Variants in PRKD1 observed in about 807,000 individuals in gnomAD.
The protein encoded by PRKD1 is protein kinase D1.
Under a neutral mutation model 95.9 loss-of-function variants are expected in PRKD1, and 63 were observed. The observed-to-expected ratio is 0.66, with a 90% CI of 0.54 to 0.81. PRKD1 has a LOEUF of 0.81. Among genes scored for constraint, PRKD1 ranks in the 30% least tolerant of loss-of-function variants. PRKD1 has a pLI of 0.00. For missense variants in PRKD1, 1,048 were observed against 1,165.3 expected (o/e 0.90, Z 1.47); for synonymous variants, 425 against 423.1 (o/e 1.00, Z -0.05).
intron 4 of PRKD1, among the ~76,000 whole-genome samples, chr14:29,649,333 GT>G (rs1349590100): frequency 2.0e-5 from 3 of 152,040 alleles, no homozygotes; most frequent in Non-Finnish European, 2.9e-5. Context: ...CCCTCCAGTG[GT>G]TCTTGCAAAA....
intron 13 of PRKD1, among the ~76,000 whole-genome samples, chr14:29,606,606 C>G (rs1276116851): frequency 6.6e-6 from 1 of 152,092 alleles, no homozygotes; most frequent in Non-Finnish European, 1.5e-5. Context: ...CAAAAGCCAC[C>G]AGGAAACAGT....
chr14:29,726,471 C>T (rs185001896), intron 1 of PRKD1, among the ~76,000 whole-genome samples: 3 of 152,198 alleles, frequency 2.0e-5, no homozygotes, highest in African/African-American at 7.2e-5. Context: ...GGAAAAGATG[C>T]AAACTCAGGG....
At chr14:29,660,307 T>C (rs1315054620) in intron 4 of PRKD1, among the ~76,000 whole-genome samples, 6 of 152,258 alleles carry the variant, frequency 3.9e-5, no homozygotes, top group Non-Finnish European at 7.3e-5. Flanking sequence ...TACTTAACTT[T>C]GTATAATACT....
chr14:29,599,801 C>G lies in PRKD1; in HGVS notation c.1922G>C (p.Gly641Ala). ...AAACATACACTCCAAATTTACAACA[C>G]CAGGGTGATGAAGGTTCTATTAAAG... The part of the protein sequence containing the change: ...VAILQNLHHP[G>A]VVNLECMFET... Residue 641 changes from glycine to alanine, a missense_variant, in exon 14 of 18, where the codon GGT becomes GCT. Coordinates refer to ENST00000331968, the MANE Select transcript of PRKD1 (RefSeq NM_002742.3). 6.2e-7 allele frequency: 1 copy of G among 1,610,066 alleles called. No individual in the cohort carries two copies. Among genetic ancestry groups the G allele is most frequent in the Non-Finnish European group, 8.5e-7 (1 of 1,178,868 alleles).
chr14:29,794,928 C>A (rs1889745677), intron 1 of PRKD1, among the ~76,000 whole-genome samples: 1 of 152,080 alleles, frequency 6.6e-6, no homozygotes, highest in Admixed American at 6.6e-5. Context: ...CACTAAAAAT[C>A]AGATTTATGC....
chr14:29,649,456 T>C (rs1881351544), intron 4 of PRKD1, among the ~76,000 whole-genome samples: 1 of 152,044 alleles, frequency 6.6e-6, no homozygotes, highest in South Asian at 2.1e-4. Flanking sequence ...ATTTTGTGTT[T>C]ACTGGTGAAG....
intron 2 of PRKD1, among the ~76,000 whole-genome samples, chr14:29,684,638 T>A (rs1883747310): frequency 6.6e-6 from 1 of 152,174 alleles, no homozygotes; most frequent in Non-Finnish European, 1.5e-5. Context: ...GGCAGAAATG[T>A]CCCCAGCTAT....
chr14:29,879,362 G>A (rs905001662), intron 1 of PRKD1, among the ~76,000 whole-genome samples: 2 of 152,194 alleles, frequency 1.3e-5, no homozygotes, highest in South Asian at 2.1e-4. Flanking sequence ...TACGTCTCAC[G>A]AAATCTGGTG....
intron 1 of PRKD1, among the ~76,000 whole-genome samples, chr14:29,757,457 A>G (rs1235044333): frequency 6.6e-6 from 1 of 152,066 alleles, no homozygotes; most frequent in Non-Finnish European, 1.5e-5. Flanking sequence ...GAGCAAAGAG[A>G]GAAGAGGCAT....
At chr14:29,779,347 G>C (rs562933353) in intron 1 of PRKD1, among the ~76,000 whole-genome samples, 1 of 152,280 alleles carries the variant, frequency 6.6e-6, no homozygotes, top group South Asian at 2.1e-4. Flanking sequence ...AAGTCAAATT[G>C]TCCCTGTTTT....
intron 1 of PRKD1, among the ~76,000 whole-genome samples, chr14:29,786,737 C>T (rs997956307): frequency 6.6e-5 from 10 of 151,910 alleles, no homozygotes; most frequent in African/African-American, 1.2e-4. Context: ...CTTGTTCTCA[C>T]GGTTAGCGTA....
chr14:29,646,853 C>G (rs1365664370), intron 4 of PRKD1, among the ~76,000 whole-genome samples: 1 of 151,452 alleles, frequency 6.6e-6, no homozygotes, highest in Admixed American at 6.6e-5. Context: ...TCTTTGACAA[C>G]AGAAAAATAT....
chr14:29,719,073 C>T (rs10129501), intron 2 of PRKD1, among the ~76,000 whole-genome samples: 57,953 of 151,630 alleles, frequency 0.38, 13,264 homozygotes, highest in African/African-American at 0.65. Context: ...AAAAAAGAAG[C>T]TTAATAAAAT....
chr14:29,824,508 G>C (rs1221388656), intron 1 of PRKD1, among the ~76,000 whole-genome samples: 1 of 152,060 alleles, frequency 6.6e-6, no homozygotes, highest in Non-Finnish European at 1.5e-5. Context: ...TCTCTCAACT[G>C]GAAGTCAATT....
At chr14:29,644,537 G>C (rs1337198854) in intron 4 of PRKD1, among the ~76,000 whole-genome samples, 3 of 151,976 alleles carry the variant, frequency 2.0e-5, no homozygotes, top group Non-Finnish European at 4.4e-5. Flanking sequence ...TTCAAAAGAA[G>C]CAGGGAATCT....
intron 1 of PRKD1, among the ~76,000 whole-genome samples, chr14:29,813,501 T>C (rs1185372596): frequency 1.3e-5 from 2 of 152,130 alleles, no homozygotes; most frequent in Non-Finnish European, 2.9e-5. Flanking sequence ...CTTTAGGACT[T>C]TGTATTGTGA....
At chr14:29,861,963 T>A (rs117373821) in intron 1 of PRKD1, among the ~76,000 whole-genome samples, 2,089 of 152,168 alleles carry the variant, frequency 0.014, 37 homozygotes, top group South Asian at 0.089. Flanking sequence ...AAATACTAGG[T>A]TTTATTCATT....
chr14:29,741,953 G>A (rs1306307838), intron 1 of PRKD1, among the ~76,000 whole-genome samples: 2 of 151,978 alleles, frequency 1.3e-5, no homozygotes, highest in African/African-American at 4.8e-5. Flanking sequence ...GGATTTGGAT[G>A]CTGGCATGGA....
At position 29,679,725 on chromosome 14, in the gene PRKD1, C is replaced by CT. The variant is rs11299614; in HGVS notation, c.404-13518dup. 3.9e-3 allele frequency among the ~76,000 whole-genome samples: 498 copies of CT among 127,698 alleles called. 1 individual carries two copies. The highest frequency in any genetic ancestry group is 8.2e-3 in the Middle Eastern group (2 of 244). The allele number at this position is 127,698 out of a possible 152,430, so 83.8% of individuals were successfully genotyped here. On this transcript the variant is annotated intron_variant, in intron 2 of 17. Coordinates refer to ENST00000331968, the MANE Select transcript of PRKD1 (RefSeq NM_002742.3). The stretch of plus-strand genomic sequence containing the variant: ...GTAAAAGATGAAGGAAGGTACAAAT[C>CT]TTTTTTTTTTTTTTTTTTCTGATCT...
Sources: gnomAD v4.1 joint callset for allele counts (sites outside exome capture counted in the v4.1 genomes callset) on GRCh38, gnomAD v4.1.1 for gene constraint, MANE v1.5 for transcripts, NCBI Gene and HGNC (gene_info 2026-07-23, HGNC 2026-07-21) for gene names.